Variants in SLC17A3 observed in about 807,000 individuals in gnomAD.
SLC17A3 encodes the protein sodium-dependent phosphate transport protein 4.
SLC17A3 carries 61 observed loss-of-function variants against 60.3 expected under a neutral mutation model. The observed-to-expected ratio is 1.01, with a 90% confidence interval of 0.82 to 1.25. SLC17A3 has a LOEUF of 1.25. SLC17A3 is among the 50% of genes most tolerant of loss of function. SLC17A3 has a pLI of 0.00. For synonymous variants in SLC17A3, 192 were observed against 208.9 expected, an observed-to-expected ratio of 0.92 and a Z score of 0.70; for missense variants, 624 against 594.9, an observed-to-expected ratio of 1.05 and a Z score of -0.51.
intron 5 of SLC17A3, among the ~76,000 whole-genome samples, chr6:25,859,508 G>A (rs1765412825): frequency 6.6e-6 from 1 of 152,176 alleles, no homozygotes; most frequent in Non-Finnish European, 1.5e-5. Flanking sequence ...ATATTTGTCT[G>A]GGCCTAATTC....
At chr6:25,860,391 A>G (rs568330756) in intron 5 of SLC17A3, among the ~76,000 whole-genome samples, 1 of 152,226 alleles carries the variant, frequency 6.6e-6, no homozygotes, top group Non-Finnish European at 1.5e-5. Flanking sequence ...CAACCTTATA[A>G]GCTGAGCAAT....
At chr6:25,869,174 G>T (rs891595306) in intron 1 of SLC17A3, among the ~76,000 whole-genome samples, 5 of 151,988 alleles carry the variant, frequency 3.3e-5, no homozygotes, top group African/African-American at 9.7e-5. Flanking sequence ...GAACTGAAAA[G>T]AACCATTACT....
chr6:25,866,314 A>G (rs774000817), intron 2 of SLC17A3, among the ~76,000 whole-genome samples: 27 of 152,060 alleles, frequency 1.8e-4, no homozygotes, highest in Non-Finnish European at 3.2e-4. Context: ...GCCAAAATCT[A>G]GCAAACAGCC....
At chr6:25,862,662 C>T (rs140133802) in intron 2 of SLC17A3, among the ~76,000 whole-genome samples, 41 of 151,690 alleles carry the variant, frequency 2.7e-4, no homozygotes, top group African/African-American at 8.5e-4. Context: ...AACTTGATCT[C>T]GGGGGTTCTG....
intron 6 of SLC17A3, among the ~76,000 whole-genome samples, chr6:25,852,519 TTC>T (rs1460204877): frequency 1.3e-5 from 2 of 152,164 alleles, no homozygotes; most frequent in Non-Finnish European, 2.9e-5. Flanking sequence ...TATTATAATT[TTC>T]TCTGTGTGGT....
At chr6:25,860,728 T>C (rs754155793) in intron 5 of SLC17A3, among the ~76,000 whole-genome samples, 2 of 152,214 alleles carry the variant, frequency 1.3e-5, no homozygotes, top group Non-Finnish European at 2.9e-5. Flanking sequence ...GTTCAGTCTC[T>C]ATATACTCAG....
intron 2 of SLC17A3, among the ~76,000 whole-genome samples, chr6:25,867,041 G>A (rs1307912383): frequency 6.6e-6 from 1 of 151,890 alleles, no homozygotes; most frequent in East Asian, 1.9e-4. Context: ...AAACTCTTGA[G>A]CCCTACCACC....
At chr6:25,855,789 C>T (rs948930451) in intron 5 of SLC17A3, among the ~76,000 whole-genome samples, 2 of 152,010 alleles carry the variant, frequency 1.3e-5, no homozygotes, top group Non-Finnish European at 2.9e-5. Flanking sequence ...AGGGCATGTT[C>T]GCTTTTTATT....
chr6:25,855,283 CACAT>C (rs1765340676), intron 5 of SLC17A3, 53 bp from the exon 6 acceptor site: 1 of 1,256,872 alleles, frequency 8.0e-7, no homozygotes, highest in Admixed American at 1.7e-5. Context: ...ACCTGGAAAA[CACAT>C]ACAAATTGAT....
intron 11 of SLC17A3, among the ~76,000 whole-genome samples, chr6:25,847,684 C>A (rs1472508050): frequency 6.6e-6 from 1 of 150,638 alleles, no homozygotes; most frequent in Non-Finnish European, 1.5e-5. Flanking sequence ...TTTTTCATAC[C>A]TTTGTTGGCT....
intron 2 of SLC17A3, among the ~76,000 whole-genome samples, chr6:25,864,673 ACTGGACTTGTTAAAACAGAGATGCCT>A (rs1765507105): frequency 6.6e-6 from 1 of 151,922 alleles, no homozygotes; most frequent in African/African-American, 2.4e-5. Flanking sequence ...AGAGCTTCCT[ACTGGACTTGTTAAAACAGAGATGCCT>A]CTTAGGCACC....
intron 1 of SLC17A3, among the ~76,000 whole-genome samples, chr6:25,869,620 A>G (rs523383): frequency 0.2 from 29,759 of 151,950 alleles, 4,223 homozygotes; most frequent in African/African-American, 0.4. Context: ...AGGCGAAGAA[A>G]GAGCAAAGAT....
rs1017586082 is a variant in SLC17A3 at position 25,850,494 on chromosome 6, A to G, written c.958T>C (p.Tyr320His). Reference sequence around the variant, plus strand: ...TTAACATGGTACACAGAGCTGATGTAAGTTGGTATGTATACAACCATTGTG... The same window carrying G: ...TTAACATGGTACACAGAGCTGATGTGAGTTGGTATGTATACAACCATTGTG... ...VSTMVVYIPTYISSVYHVNIR... is the reference protein window; with the variant it reads ...VSTMVVYIPTHISSVYHVNIR... Residue 320 changes from tyrosine (Y) to histidine (H), a missense_variant, in exon 8 of 13, where the codon TAC (tyrosine) becomes CAC (histidine). Physicochemically the swap from Tyr to His is moderately conservative, Grantham distance 83. Coordinates refer to ENST00000397060, the MANE Select transcript of SLC17A3 (RefSeq NM_001098486.2). 4.3e-6 allele frequency: 7 copies of G among 1,613,808 alleles called. No individual in the cohort carries two copies. Among genetic ancestry groups the G allele is most frequent in the Non-Finnish European group, 5.1e-6 (6 of 1,179,840 alleles).
At chr6:25,870,224 G>A (rs1412170575) in intron 1 of SLC17A3, among the ~76,000 whole-genome samples, 5 of 151,948 alleles carry the variant, frequency 3.3e-5, no homozygotes, top group Admixed American at 2.6e-4. Context: ...GGTGTGGCCA[G>A]TACATTTTAA....
chr6:25,850,071 A>G lies in SLC17A3; in HGVS notation c.1100T>C (p.Val367Ala). The part of the protein sequence containing the change: ...LLTKKFRLIT[V>A]RKIATILGSL... ...ACCTAAAATTGTGGCAATTTTCCTC[A>G]CAGTGATGAGTCTAAACTTTTTGGT... The change falls in exon 9 of 13, where the codon GTG (valine) becomes GCG (alanine). Residue 367 changes from valine (V) to alanine (A), a missense_variant. Val to Ala is a moderately conservative substitution (Grantham distance 64). Coordinates refer to ENST00000397060, the MANE Select transcript of SLC17A3 (RefSeq NM_001098486.2). 2 of 1,613,976 alleles carry G rather than the reference A, an allele frequency of 1.2e-6. No homozygotes were observed. Among genetic ancestry groups the G allele is most frequent in the African/African-American group, 2.7e-5 (2 of 75,036 alleles).
intron 2 of SLC17A3, 29 bp from the exon 3 acceptor site, chr6:25,862,473 T>C: frequency 6.5e-7 from 1 of 1,546,124 alleles, no homozygotes; most frequent in Non-Finnish European, 8.9e-7. Context: ...CATATTAGTG[T>C]TTTTTAAAAT....
intron 2 of SLC17A3, among the ~76,000 whole-genome samples, chr6:25,863,606 C>A (rs543170112): frequency 6.6e-6 from 1 of 151,970 alleles, no homozygotes; most frequent in African/African-American, 2.4e-5. Context: ...AAAGGGACTT[C>A]AATCGATGAG....
chr6:25,848,319 C>T (rs1358269516), intron 11 of SLC17A3, among the ~76,000 whole-genome samples: 1 of 152,136 alleles, frequency 6.6e-6, no homozygotes, highest in Non-Finnish European at 1.5e-5. Flanking sequence ...TAAGGAATAT[C>T]CACACTGTTT....
intron 8 of SLC17A3, 94 bp from the exon 9 acceptor site, chr6:25,850,271 A>T: frequency 1.4e-6 from 2 of 1,444,206 alleles, no homozygotes; most frequent in Non-Finnish European, 1.9e-6. Flanking sequence ...GACATTCTGA[A>T]ATCATACTTT....
Sources: gnomAD v4.1 joint callset for allele counts (sites outside exome capture counted in the v4.1 genomes callset) on GRCh38, gnomAD v4.1.1 for gene constraint, MANE v1.5 for transcripts, NCBI Gene and HGNC (gene_info 2026-07-23, HGNC 2026-07-21) for gene names.